ANXA4: variants seen among roughly 807,000 people sequenced by gnomAD.
ANXA4 encodes the protein annexin A4.
In ANXA4, 39 loss-of-function variants were observed where a neutral mutation model predicts 49.8. The ratio of observed to expected loss-of-function variants is 0.78; its 90% CI spans 0.61 to 1.02. The LOEUF is 1.02. Among genes scored for constraint, ANXA4 ranks in the 50% least tolerant of loss-of-function variants. The pLI is 0.00. For synonymous variants in ANXA4, 134 were observed against 152.5 expected (o/e 0.88, Z 0.89); for missense variants, 360 against 410.1 (o/e 0.88, Z 1.05).
At chr2:69,757,958 CA>C (rs11296004) in intron 1 of ANXA4, among the ~76,000 whole-genome samples, 40,370 of 95,226 alleles carry the variant, frequency 0.42, 7,356 homozygotes, top group African/African-American at 0.64. Context: ...GACTTTGTCT[CA>C]AAAAAAAAAA....
rs74263561 is a variant in ANXA4 at position 69,747,689 on chromosome 2, C to T, written c.-47+5514C>T. On this transcript the variant is annotated intron_variant, in intron 1 of 12. Coordinates refer to ENST00000394295, the MANE Select transcript of ANXA4 (RefSeq NM_001153.5). The stretch of plus-strand genomic sequence containing the variant: ...CAGTCAAAACTACACAAAATTGTTA[C>T]TTTTTTAATTTTCAGAAAGGGGGTC... Among the ~76,000 whole-genome samples the T allele has an allele frequency of 9.4e-3, 1,426 of 152,198 alleles. 24 individuals carry two copies. Among genetic ancestry groups the T allele is most frequent in the East Asian group, 0.074 (381 of 5,182 alleles).
At chr2:69,705,606 G>A (rs538902912) in intron 2 of ANXA4, among the ~76,000 whole-genome samples, 20 of 152,206 alleles carry the variant, frequency 1.3e-4, no homozygotes, top group Admixed American at 2.0e-4. Flanking sequence ...TAACACTTTC[G>A]ATTTTATAAT....
chr2:69,814,371 G>A (rs1673862293), intron 8 of ANXA4, among the ~76,000 whole-genome samples: 1 of 114,624 alleles, frequency 8.7e-6, no homozygotes, highest in Non-Finnish European at 1.7e-5. Context: ...TTTGAGATAG[G>A]GTCTTGCTCT....
At chr2:69,766,992 A>G (rs1275199995) in intron 1 of ANXA4, among the ~76,000 whole-genome samples, 1 of 152,158 alleles carries the variant, frequency 6.6e-6, no homozygotes, top group Non-Finnish European at 1.5e-5. Context: ...TAGCCTTAGA[A>G]TTACTCTCTC....
intron 3 of ANXA4, among the ~76,000 whole-genome samples, chr2:69,791,484 C>CAT (rs1210668680): frequency 2.0e-5 from 3 of 152,202 alleles, no homozygotes; most frequent in African/African-American, 7.2e-5. Context: ...GGCAGAGAGA[C>CAT]ATAAACATGC....
chr2:69,723,257 A>G (rs1669869296), intron 3 of ANXA4, among the ~76,000 whole-genome samples: 1 of 151,838 alleles, frequency 6.6e-6, no homozygotes, highest in South Asian at 2.1e-4. Flanking sequence ...ATAGAAAACA[A>G]AGAAACAATA....
chr2:69,737,292 G>T (rs1311883642), upstream of ANXA4, among the ~76,000 whole-genome samples: 3 of 152,120 alleles, frequency 2.0e-5, no homozygotes, highest in Admixed American at 6.6e-5. Flanking sequence ...TGTGGTTCTG[G>T]TTTTGTCCAT....
chr2:69,788,054 G>T lies in ANXA4; in HGVS notation c.10G>T (p.Ala4Ser). 6.2e-7 allele frequency: 1 copy of T among 1,613,474 alleles called. No homozygotes were observed. The highest frequency in any genetic ancestry group is 1.3e-5 in the African/African-American group (1 of 74,912). The part of the protein sequence containing the change: MAM[A>S]TKGGTVKAAS... ...TAACATCACTCTCTTGTGTGCTCAG[G>T]CAACCAAAGGAGGTACTGTCAAAGC... The change falls in exon 3 of 13, where the codon GCA (alanine) becomes TCA (serine). Residue 4 changes from alanine (A) to serine (S), a missense_variant and splice_region_variant. Ala to Ser is a moderately conservative substitution (Grantham distance 99). Coordinates refer to ENST00000394295, the MANE Select transcript of ANXA4 (RefSeq NM_001153.5).
intron 1 of ANXA4, among the ~76,000 whole-genome samples, chr2:69,753,413 G>A (rs555265995): frequency 2.0e-5 from 3 of 152,296 alleles, no homozygotes; most frequent in Non-Finnish European, 2.9e-5. Flanking sequence ...GGTCCTCACC[G>A]AAAATCTATA....
chr2:69,728,063 C>T (rs1486335092), intron 3 of ANXA4, among the ~76,000 whole-genome samples: 1 of 152,190 alleles, frequency 6.6e-6, no homozygotes, highest in Non-Finnish European at 1.5e-5. Flanking sequence ...CAGTTCATAT[C>T]AGGAAGAACA....
chr2:69,711,268 T>A (rs1678670685), intron 2 of ANXA4, among the ~76,000 whole-genome samples: 1 of 152,222 alleles, frequency 6.6e-6, no homozygotes. Flanking sequence ...AGGCAGAGGT[T>A]GCAATGAGCC....
rs138678462 is a variant in ANXA4, at chr2:69,772,752, C to G, written c.-46-8768C>G. On this transcript the variant is annotated intron_variant, in intron 1 of 12. Coordinates refer to ENST00000394295, the MANE Select transcript of ANXA4 (RefSeq NM_001153.5). Reference sequence around the variant, plus strand: ...TCTGTTTGGTGGCCAGGCGCAGTGGCTCACACCTGTAATCCCAGCACTTTG... The same window carrying G: ...TCTGTTTGGTGGCCAGGCGCAGTGGGTCACACCTGTAATCCCAGCACTTTG... Among the ~76,000 whole-genome samples, 232 of 152,292 alleles carry G rather than the reference C, an allele frequency of 1.5e-3. 1 individual carries two copies. Among genetic ancestry groups the G allele is most frequent in the African/African-American group, 5.5e-3 (227 of 41,554 alleles).
At chr2:69,788,728 C>G (rs1228882348) in intron 3 of ANXA4, among the ~76,000 whole-genome samples, 4 of 151,482 alleles carry the variant, frequency 2.6e-5, no homozygotes, top group South Asian at 2.1e-4. Flanking sequence ...GTCCCAGCTA[C>G]TCAGGAGGCT....
chr2:69,810,088 G>A (rs1673635153), intron 6 of ANXA4: 1 of 154,616 alleles, frequency 6.5e-6, no homozygotes, highest in East Asian at 1.9e-4. Context: ...GCTGGGTGCG[G>A]TGGCTCACGC....
At chr2:69,720,048 G>C (rs955309327) in intron 2 of ANXA4, among the ~76,000 whole-genome samples, 1 of 152,164 alleles carries the variant, frequency 6.6e-6, no homozygotes, top group Non-Finnish European at 1.5e-5. Context: ...TAGTGCTACT[G>C]TTCTGCTTTG....
chr2:69,670,442 A>G, intron 2 of ANXA4, among the ~76,000 whole-genome samples: 1 of 151,026 alleles, frequency 6.6e-6, no homozygotes, highest in East Asian at 1.9e-4. Flanking sequence ...CAATCTCAAA[A>G]AAAAAAAAAA....
At chr2:69,780,697 G>T (rs1225738864) in intron 1 of ANXA4, among the ~76,000 whole-genome samples, 15 of 152,126 alleles carry the variant, frequency 9.9e-5, no homozygotes, top group Admixed American at 9.8e-4. Flanking sequence ...GGCTATGATT[G>T]CACCACTGCA....
At chr2:69,759,328 T>A (rs1671182573) in intron 1 of ANXA4, among the ~76,000 whole-genome samples, 1 of 152,124 alleles carries the variant, frequency 6.6e-6, no homozygotes, top group South Asian at 2.1e-4. Context: ...TGATTACAAC[T>A]GTGCTGAAAC....
At chr2:69,756,960 C>G (rs1378995181) in intron 1 of ANXA4, among the ~76,000 whole-genome samples, 2 of 146,902 alleles carry the variant, frequency 1.4e-5, no homozygotes, top group African/African-American at 5.0e-5. Context: ...CAGAGTCTCA[C>G]TCTGTTCCCC....
Sources: gnomAD v4.1 joint callset for allele counts (sites outside exome capture counted in the v4.1 genomes callset) on GRCh38, gnomAD v4.1.1 for gene constraint, MANE v1.5 for transcripts, NCBI Gene and HGNC (gene_info 2026-07-23, HGNC 2026-07-21) for gene names.